The following CCSER1 variants were observed in gnomAD, a reference collection of about 807,000 sequenced individuals.
The protein encoded by CCSER1 is coiled-coil serine rich protein 1.
In CCSER1, 41 loss-of-function variants were observed where a neutral mutation model predicts 82.0. The observed-to-expected ratio is 0.50, with a 90% CI of 0.39 to 0.65. CCSER1 has a LOEUF of 0.65. Ranked by LOEUF, CCSER1 falls within the 30% of genes least tolerant of loss-of-function variation. The pLI is 0.00. For synonymous variants in CCSER1, 414 were observed against 383.9 expected, an observed-to-expected ratio of 1.08 and a Z score of -0.92; for missense variants, 1,119 against 1,064.2, an observed-to-expected ratio of 1.05 and a Z score of -0.72.
At chr4:91,153,650 A>G (rs570119931) in intron 10 of CCSER1, among the ~76,000 whole-genome samples, 14 of 151,812 alleles carry the variant, frequency 9.2e-5, no homozygotes, top group Admixed American at 6.5e-4. Flanking sequence ...TTTATCTACC[A>G]TTGGTCTTTG....
intron 1 of CCSER1, among the ~76,000 whole-genome samples, chr4:90,290,873 G>A (rs1333306687): frequency 6.6e-6 from 1 of 151,932 alleles, no homozygotes; most frequent in African/African-American, 2.4e-5. Flanking sequence ...ATTATATGAT[G>A]TTATTGTTAC....
chr4:90,987,450 G>A (rs1052446993), intron 9 of CCSER1, among the ~76,000 whole-genome samples: 7 of 151,336 alleles, frequency 4.6e-5, no homozygotes, highest in Non-Finnish European at 8.9e-5. Context: ...TTAATTCTAA[G>A]CATCCTTTCT....
chr4:91,396,058 T>C (rs763634115), intron 10 of CCSER1, among the ~76,000 whole-genome samples: 10 of 152,124 alleles, frequency 6.6e-5, no homozygotes, highest in African/African-American at 2.2e-4. Flanking sequence ...AATTCAGCCA[T>C]TGAGCCTCAG....
intron 7 of CCSER1, among the ~76,000 whole-genome samples, chr4:90,805,560 C>G (rs1361674195): frequency 6.6e-6 from 1 of 152,054 alleles, no homozygotes; most frequent in Non-Finnish European, 1.5e-5. Context: ...TAAGACTAGC[C>G]AAGATGCAAG....
rs1734691638 is a variant in CCSER1 at position 90,308,412 on chromosome 4, G to T, written c.128G>T (p.Ser43Ile). The T allele has an allele frequency of 6.2e-7, 1 of 1,613,780 alleles. No homozygotes were observed. Among genetic ancestry groups the T allele is most frequent in the Non-Finnish European group, 8.5e-7 (1 of 1,179,824 alleles). ...TCCAGTAATACAGTTGGTGTCCACA[G>T]TTCCTCTCCTTCCAGCACTAACTCA... Reference protein sequence around the residue: ...PSSSNTVGVHSSSPSSTNSSS... With the variant: ...PSSSNTVGVHISSPSSTNSSS... Residue 43 changes from serine to isoleucine, a missense_variant, in exon 2 of 11, where the codon AGT becomes ATT. Coordinates refer to ENST00000509176, the MANE Select transcript of CCSER1 (RefSeq NM_001145065.2).
intron 9 of CCSER1, among the ~76,000 whole-genome samples, chr4:91,070,398 A>C (rs941250536): frequency 8.5e-5 from 13 of 152,188 alleles, no homozygotes; most frequent in Non-Finnish European, 1.5e-4. Flanking sequence ...ATTGCAAGTT[A>C]GTTTAGTTTT....
intron 8 of CCSER1, among the ~76,000 whole-genome samples, chr4:90,919,995 A>T (rs896930056): frequency 1.3e-5 from 2 of 151,896 alleles, no homozygotes; most frequent in Non-Finnish European, 2.9e-5. Context: ...AGGGGCATAG[A>T]TTTATTTATA....
chr4:90,267,471 G>A (rs1233833561), intron 1 of CCSER1, among the ~76,000 whole-genome samples: 2 of 152,108 alleles, frequency 1.3e-5, no homozygotes, highest in Non-Finnish European at 2.9e-5. Context: ...CCTGCTGATT[G>A]TAGAGCCCTG....
intron 10 of CCSER1, among the ~76,000 whole-genome samples, chr4:91,355,575 G>A (rs1000474597): frequency 3.3e-5 from 5 of 152,128 alleles, no homozygotes; most frequent in Non-Finnish European, 5.9e-5. Flanking sequence ...GTGACTTGAT[G>A]TATATACTGG....
chr4:91,361,957 A>G, intron 10 of CCSER1, among the ~76,000 whole-genome samples: 1 of 151,770 alleles, frequency 6.6e-6, no homozygotes, highest in Admixed American at 6.6e-5. Flanking sequence ...GCTATTTTAC[A>G]ATCTTGGTTA....
At chr4:91,077,492 C>T (rs1722128013) in intron 9 of CCSER1, among the ~76,000 whole-genome samples, 1 of 152,148 alleles carries the variant, frequency 6.6e-6, no homozygotes, top group Admixed American at 6.5e-5. Flanking sequence ...CTGGAAATGA[C>T]AGATAATGAA....
intron 7 of CCSER1, among the ~76,000 whole-genome samples, chr4:90,741,162 A>G (rs2149443006): frequency 6.6e-6 from 1 of 152,312 alleles, no homozygotes; most frequent in African/African-American, 2.4e-5. Flanking sequence ...AAAATTTTAT[A>G]GCCAATAAAG....
At chr4:91,425,127 G>T (rs1753896419) in intron 10 of CCSER1, among the ~76,000 whole-genome samples, 1 of 151,954 alleles carries the variant, frequency 6.6e-6, no homozygotes, top group East Asian at 1.9e-4. Context: ...TTTTGAGTTA[G>T]AAACACTAAA....
At chr4:91,508,512 G>C (rs1759648384) in intron 10 of CCSER1, among the ~76,000 whole-genome samples, 1 of 149,138 alleles carries the variant, frequency 6.7e-6, no homozygotes, top group Non-Finnish European at 1.5e-5. Flanking sequence ...CTAATACTTT[G>C]ATGAAGGTGT....
chr4:91,134,023 C>T (rs535153955), intron 10 of CCSER1, among the ~76,000 whole-genome samples: 1 of 152,086 alleles, frequency 6.6e-6, no homozygotes, highest in African/African-American at 2.4e-5. Flanking sequence ...TGCTTGAACC[C>T]GGGAGGCAGA....
chr4:90,133,948 G>A (rs1488270145), intron 1 of CCSER1, among the ~76,000 whole-genome samples: 5 of 152,078 alleles, frequency 3.3e-5, no homozygotes, highest in African/African-American at 9.7e-5. Flanking sequence ...TCCAAAGAAA[G>A]AAACCTTAAG....
intron 10 of CCSER1, among the ~76,000 whole-genome samples, chr4:91,561,622 G>A (rs1762655283): frequency 6.6e-6 from 1 of 151,460 alleles, no homozygotes; most frequent in African/African-American, 2.4e-5. Context: ...GCCCCATGAG[G>A]GGAAAATCTT....
chr4:90,518,057 A>G (rs1185138510), intron 5 of CCSER1, among the ~76,000 whole-genome samples: 1 of 152,136 alleles, frequency 6.6e-6, no homozygotes. Flanking sequence ...TAATTTGTAA[A>G]TTACTTCTGT....
At chr4:91,105,475 G>A (rs2148860830) in intron 10 of CCSER1, among the ~76,000 whole-genome samples, 1 of 152,158 alleles carries the variant, frequency 6.6e-6, no homozygotes, top group African/African-American at 2.4e-5. Context: ...GGAGGCAGAG[G>A]TGGGCGGATC....
Sources: allele counts gnomAD v4.1 joint callset (sites outside exome capture counted in the v4.1 genomes callset), GRCh38; gene constraint gnomAD v4.1.1; transcripts MANE v1.5; gene names NCBI Gene and HGNC (gene_info 2026-07-23, HGNC 2026-07-21).